CAT: variants seen among roughly 807,000 people sequenced by gnomAD.
The protein encoded by CAT is epididymis secretory sperm binding protein.
In CAT, 43 loss-of-function variants were observed where a neutral mutation model predicts 59.0. That is an observed-to-expected ratio of 0.73 (90% CI 0.57 to 0.94). CAT has a LOEUF of 0.94. CAT is among the 40% of genes least tolerant of loss of function. The pLI is 0.00. For missense variants in CAT, 664 were observed against 682.9 expected (o/e 0.97, Z 0.31); for synonymous variants, 218 against 230.9 (o/e 0.94, Z 0.51).
chr11:34,457,351 C>T (rs929055005), intron 8 of CAT, among the ~76,000 whole-genome samples: 8 of 151,490 alleles, frequency 5.3e-5, no homozygotes, highest in African/African-American at 1.5e-4. Context: ...TAGCTACAGG[C>T]GCCCGCCACC....
In CAT at chr11:34,449,201, G is replaced by A. The variant is rs753408922; in HGVS notation, c.76G>A (p.Val26Ile). 3.8e-5 allele frequency: 61 copies of A among 1,614,020 alleles called. No individual in the cohort carries two copies. The highest frequency in any genetic ancestry group is 5.1e-5 in the Non-Finnish European group (60 of 1,179,960). Residue 26 changes from valine to isoleucine, a missense_variant, in exon 2 of 13, where the codon GTC becomes ATC. Transcript: ENST00000241052. The part of the protein sequence containing the change: ...KEQRAAQKAD[V>I]LTTGAGNPVG... The stretch of plus-strand genomic sequence containing the variant: ...TTCTGTGTTCCTGTAGAAAGCTGAT[G>A]TCCTGACCACTGGAGCTGGTAACCC...
chr11:34,449,418 G>C (rs963051335), intron 2 of CAT, 55 bp downstream of exon 2: 2 of 1,494,930 alleles, frequency 1.3e-6, no homozygotes, highest in Non-Finnish European at 1.9e-6. Flanking sequence ...CCTGGGTCAA[G>C]TGTTATTTCC....
chr11:34,462,984 C>G (rs1856667280), intron 9 of CAT, among the ~76,000 whole-genome samples: 1 of 152,128 alleles, frequency 6.6e-6, no homozygotes. Flanking sequence ...TAATTGGGCT[C>G]TATAATAGTA....
chr11:34,441,970 T>G (rs957409025), intron 1 of CAT, among the ~76,000 whole-genome samples: 1 of 152,228 alleles, frequency 6.6e-6, no homozygotes, highest in African/African-American at 2.4e-5. Context: ...CATTTTATAC[T>G]TCATCAGCAG....
intron 5 of CAT, 89 bp from the exon 6 acceptor site, chr11:34,453,712 G>A: frequency 8.1e-7 from 1 of 1,235,702 alleles, no homozygotes; most frequent in Non-Finnish European, 1.2e-6. Flanking sequence ...GTCATTAAGG[G>A]ACTTTCTGGA....
chr11:34,448,868 G>A (rs1856489083), intron 1 of CAT, among the ~76,000 whole-genome samples: 1 of 152,136 alleles, frequency 6.6e-6, no homozygotes, highest in Admixed American at 6.5e-5. Context: ...ACGCTTTTGG[G>A]CACCTCTCTG....
chr11:34,450,982 C>T lies in CAT; in HGVS notation c.239-6C>T, dbSNP rs756123488. On this transcript the variant is annotated splice_region_variant and splice_polypyrimidine_tract_variant and intron_variant, in intron 2 of 12. Coordinates refer to ENST00000241052, the MANE Select transcript of CAT (RefSeq NM_001752.4). ...ATGGTAAGGATTTCTGTGTCTTTCT[C>T]GTTAGGGGCCTTTGGCTACTTTGAG... 4.4e-6 allele frequency: 7 copies of T among 1,586,438 alleles called. No individual in the cohort carries two copies. Among genetic ancestry groups the T allele is most frequent in the Admixed American group, 1.7e-5 (1 of 59,972 alleles).
intron 1 of CAT, among the ~76,000 whole-genome samples, chr11:34,443,573 T>C (rs1355143373): frequency 8.5e-6 from 1 of 117,202 alleles, no homozygotes; most frequent in African/African-American, 4.9e-5. Context: ...CCCATTTCCT[T>C]TTTTTTTTTT....
At chr11:34,447,928 C>T (rs1389541671) in intron 1 of CAT, among the ~76,000 whole-genome samples, 9 of 152,188 alleles carry the variant, frequency 5.9e-5, no homozygotes, top group Admixed American at 3.9e-4. Flanking sequence ...TGCTGGCACT[C>T]ATAGTTTCTC....
chr11:34,443,764 C>T (rs1379837685), intron 1 of CAT, among the ~76,000 whole-genome samples: 1 of 152,088 alleles, frequency 6.6e-6, no homozygotes, highest in Non-Finnish European at 1.5e-5. Context: ...CAGTGAGTTG[C>T]CTATGCATTA....
intron 2 of CAT, 79 bp from the exon 3 acceptor site, chr11:34,450,909 T>C (rs2133182047): frequency 1.1e-6 from 1 of 928,782 alleles, no homozygotes; most frequent in Non-Finnish European, 1.8e-6. Flanking sequence ...CATTTTCTCT[T>C]GTCACCCAGG....
chr11:34,438,965 C>G lies in CAT; in HGVS notation c.-49C>G. 1 of 1,511,286 alleles carries G rather than the reference C, an allele frequency of 6.6e-7. No individual in the cohort carries two copies. Among genetic ancestry groups the G allele is most frequent in the Non-Finnish European group, 9.0e-7 (1 of 1,109,552 alleles). The allele number at this position is 1,511,286 out of a possible 1,614,324, so 93.6% of individuals were successfully genotyped here. A position where few individuals can be genotyped will look rare whatever the true frequency, so the allele number is the denominator to read the frequency against. On this transcript the variant is annotated 5_prime_UTR_variant, in exon 1 of 13. Coordinates refer to ENST00000241052, the MANE Select transcript of CAT (RefSeq NM_001752.4). ...CAGATTTGCCTGCTGAGGGTGGAGA[C>G]CCACGAGCCGAGGCCTCCTGCAGTG...
chr11:34,466,816 A>G (rs940196921), intron 10 of CAT, among the ~76,000 whole-genome samples: 4 of 150,714 alleles, frequency 2.7e-5, no homozygotes, highest in Non-Finnish European at 4.4e-5. Context: ...AAAATAGATG[A>G]CTGCTTGAAG....
intron 10 of CAT, among the ~76,000 whole-genome samples, chr11:34,466,892 A>C (rs985719364): frequency 2.6e-5 from 4 of 152,156 alleles, no homozygotes; most frequent in African/African-American, 9.6e-5. Context: ...AAATGTAACA[A>C]CTGAAATTAG....
intron 8 of CAT, among the ~76,000 whole-genome samples, chr11:34,457,201 G>GTT (rs1856600987): frequency 1.3e-5 from 1 of 75,060 alleles, no homozygotes; most frequent in African/African-American, 5.1e-5. Flanking sequence ...TTATTTTCTT[G>GTT]TTCTTTTTTT....
rs1297301794 is a variant in CAT at position 34,449,236 on chromosome 11, C to T, written c.111C>T (p.Asp37=). The change falls in exon 2 of 13, where the codon GAC becomes GAT. Residue 37 remains aspartate, a synonymous_variant. Transcript: ENST00000241052. ...LTTGAGNPVG[D]KLNVITVGPR... Reference sequence around the variant, plus strand: ...CTGGAGCTGGTAACCCAGTAGGAGACAAACTTAATGTTATTACAGTAGGGC... The same window carrying T: ...CTGGAGCTGGTAACCCAGTAGGAGATAAACTTAATGTTATTACAGTAGGGC... The T allele has an allele frequency of 6.2e-7, 1 of 1,614,132 alleles. No individual in the cohort carries two copies. Among genetic ancestry groups the T allele is most frequent in the East Asian group, 2.2e-5 (1 of 44,882 alleles).
chr11:34,456,892 A>C, intron 8 of CAT, 75 bp downstream of exon 8: 1 of 1,442,702 alleles, frequency 6.9e-7, no homozygotes, highest in South Asian at 1.2e-5. Context: ...GCAGCTTGGC[A>C]TGATCTTTAT....
At chr11:34,469,580 C>A (rs1019482708) in intron 11 of CAT, among the ~76,000 whole-genome samples, 2 of 152,032 alleles carry the variant, frequency 1.3e-5, no homozygotes, top group Non-Finnish European at 2.9e-5. Flanking sequence ...ATTTGTTAAG[C>A]GCTTACTCTG....
intron 1 of CAT, among the ~76,000 whole-genome samples, chr11:34,445,942 T>G (rs1250814105): frequency 6.6e-6 from 1 of 152,210 alleles, no homozygotes; most frequent in Non-Finnish European, 1.5e-5. Flanking sequence ...ATTAATAATA[T>G]TGATCTCTGG....
Sources: allele counts gnomAD v4.1 joint callset (sites outside exome capture counted in the v4.1 genomes callset), GRCh38; gene constraint gnomAD v4.1.1; transcripts MANE v1.5; gene names NCBI Gene and HGNC (gene_info 2026-07-23, HGNC 2026-07-21).